MYO1D: variants seen among roughly 807,000 people sequenced by gnomAD.
The protein encoded by MYO1D is unconventional myosin-Id.
A neutral mutation model predicts 122.0 loss-of-function variants in MYO1D; 83 were observed. The ratio of observed to expected loss-of-function variants is 0.68; its 90% CI spans 0.57 to 0.82. MYO1D has a LOEUF of 0.82. Among genes scored for constraint, MYO1D ranks in the 40% least tolerant of loss-of-function variants. MYO1D has a pLI of 0.00. For synonymous variants in MYO1D, 464 were observed against 446.9 expected, an observed-to-expected ratio of 1.04 and a Z score of -0.48; for missense variants, 1,157 against 1,269.5, an observed-to-expected ratio of 0.91 and a Z score of 1.35.
chr17:32,705,231 G>C (rs2089291822), intron 16 of MYO1D, among the ~76,000 whole-genome samples: 1 of 151,960 alleles, frequency 6.6e-6, no homozygotes, highest in African/African-American at 2.4e-5. Context: ...TGTATACTAA[G>C]AGGAACAATA....
intron 21 of MYO1D, among the ~76,000 whole-genome samples, chr17:32,558,883 C>T (rs1310964005): frequency 1.3e-5 from 2 of 152,176 alleles, no homozygotes; most frequent in Non-Finnish European, 2.9e-5. Context: ...CCTGAGAAAG[C>T]CACTGAACCC....
chr17:32,796,558 G>A (rs573561807), intron 1 of MYO1D, among the ~76,000 whole-genome samples: 43 of 152,144 alleles, frequency 2.8e-4, no homozygotes, highest in South Asian at 6.2e-4. Flanking sequence ...GACTACAGGC[G>A]CGGGCCACCA....
intron 1 of MYO1D, among the ~76,000 whole-genome samples, chr17:32,793,833 T>G (rs2090384178): frequency 1.3e-5 from 2 of 152,256 alleles, no homozygotes. Flanking sequence ...TGCCTCACTT[T>G]CTTCAACTGA....
intron 21 of MYO1D, among the ~76,000 whole-genome samples, chr17:32,574,919 C>G (rs1416561176): frequency 6.6e-6 from 1 of 152,176 alleles, no homozygotes; most frequent in African/African-American, 2.4e-5. Flanking sequence ...TTTATATGCT[C>G]TGAACTCTGG....
intron 21 of MYO1D, among the ~76,000 whole-genome samples, chr17:32,584,998 A>G (rs1043966693): frequency 1.2e-4 from 19 of 152,192 alleles, no homozygotes; most frequent in African/African-American, 4.6e-4. Context: ...TATGACAAGC[A>G]CAGAAGGCCA....
chr17:32,857,720 C>T (rs573771087), intron 1 of MYO1D, among the ~76,000 whole-genome samples: 26 of 152,248 alleles, frequency 1.7e-4, no homozygotes, highest in Admixed American at 9.8e-4. Context: ...TCATGCATAC[C>T]TAAGTCTTAT....
intron 16 of MYO1D, among the ~76,000 whole-genome samples, chr17:32,663,586 C>G (rs952081601): frequency 6.6e-6 from 1 of 152,134 alleles, no homozygotes; most frequent in Non-Finnish European, 1.5e-5. Flanking sequence ...GGAGCTTTTC[C>G]TTGGTTCGGC....
At chr17:32,718,120 T>G (rs1014207272) in intron 15 of MYO1D, among the ~76,000 whole-genome samples, 3 of 152,230 alleles carry the variant, frequency 2.0e-5, no homozygotes, top group African/African-American at 7.2e-5. Context: ...AGTTTAGTTT[T>G]TAAAAAACAT....
chr17:32,746,416 C>T (rs1034018847), intron 12 of MYO1D, among the ~76,000 whole-genome samples: 1 of 152,190 alleles, frequency 6.6e-6, no homozygotes, highest in Non-Finnish European at 1.5e-5. Context: ...TAATTCCTAG[C>T]ATTCAAAGAC....
intron 10 of MYO1D, among the ~76,000 whole-genome samples, chr17:32,755,875 C>T (rs1567625904): frequency 6.6e-6 from 1 of 152,052 alleles, no homozygotes; most frequent in Non-Finnish European, 1.5e-5. Context: ...TGAAATACAC[C>T]GTCTGAGATT....
chr17:32,736,830 C>T (rs550955878), intron 14 of MYO1D, among the ~76,000 whole-genome samples: 9 of 152,276 alleles, frequency 5.9e-5, no homozygotes, highest in African/African-American at 1.7e-4. Context: ...CACTTTTCTT[C>T]TTGCTGGATG....
At chr17:32,655,450 TGTGGTTTATATAGG>T (rs983088292) in intron 17 of MYO1D, among the ~76,000 whole-genome samples, 5 of 151,638 alleles carry the variant, frequency 3.3e-5, no homozygotes, top group Non-Finnish European at 7.4e-5. Context: ...GCAGAGTGGG[TGTGGTTTATATAGG>T]GTGGTTTATA....
chr17:32,848,188 G>A (rs1420889217), intron 1 of MYO1D, among the ~76,000 whole-genome samples: 1 of 152,176 alleles, frequency 6.6e-6, no homozygotes. Flanking sequence ...TAAAACATAT[G>A]ATTAGGGCAA....
intron 19 of MYO1D, among the ~76,000 whole-genome samples, chr17:32,648,447 C>G (rs2088331657): frequency 2.0e-5 from 3 of 152,138 alleles, no homozygotes. Flanking sequence ...AGATTCCCAA[C>G]ATAAGAGTTT....
chr17:32,837,054 CT>C (rs1434276943), intron 1 of MYO1D, among the ~76,000 whole-genome samples: 2 of 151,610 alleles, frequency 1.3e-5, no homozygotes, highest in Middle Eastern at 3.4e-3. Flanking sequence ...TATTTTTTTC[CT>C]TTTTTTTAAA....
At chr17:32,632,576 TATATATATATACACACACACACAC>T (rs1331899502) in intron 20 of MYO1D, 24 of 109,094 alleles carry the variant, frequency 2.2e-4, no homozygotes, top group African/African-American at 1.0e-3. Context: ...TATATATATA[TATATATATATACACACACACACAC>T]ACACACACAC....
intron 16 of MYO1D, among the ~76,000 whole-genome samples, chr17:32,689,927 C>T (rs1029274639): frequency 4.6e-5 from 7 of 151,824 alleles, no homozygotes; most frequent in East Asian, 1.9e-4. Flanking sequence ...GGTTTCACCA[C>T]GTTGGTCAGG....
At position 32,683,624 on chromosome 17, in the gene MYO1D, C is replaced by T. The variant is rs542174412; in HGVS notation, c.2122-24286G>A. Among the ~76,000 whole-genome samples, 7 of 151,784 alleles carry T rather than the reference C, an allele frequency of 4.6e-5. No individual in the cohort carries two copies. In the South Asian group the frequency reaches 6.3e-4, roughly 14 times the overall value. ...CTGCCGGTTCTCAGATCTCCAGCTG[C>T]GTGCTGGGAGAACCACTGCTCTCTT... On this transcript the variant is annotated intron_variant, in intron 16 of 21. Transcript: ENST00000318217.
chr17:32,508,356 C>T (rs1315956890), intron 21 of MYO1D, among the ~76,000 whole-genome samples: 1 of 152,028 alleles, frequency 6.6e-6, no homozygotes, highest in Non-Finnish European at 1.5e-5. Context: ...CTTACTGCAA[C>T]CTCCGCTTCC....
Sources: gnomAD v4.1 joint callset for allele counts (sites outside exome capture counted in the v4.1 genomes callset) on GRCh38, gnomAD v4.1.1 for gene constraint, MANE v1.5 for transcripts, NCBI Gene and HGNC (gene_info 2026-07-23, HGNC 2026-07-21) for gene names.